Variants in OR2T1 observed in about 807,000 individuals in gnomAD.
OR2T1 encodes the protein olfactory receptor family 2 subfamily T member 1, also known as olfactory receptor 2T1.
For missense variants in OR2T1, 440 were observed against 390.2 expected, an observed-to-expected ratio of 1.13 and a Z score of -1.07; for synonymous variants, 186 against 145.4, an observed-to-expected ratio of 1.28 and a Z score of -2.01.
chr1:248,406,272 GGGT>G lies in OR2T1; in HGVS notation c.126_128del (p.Val43del). On this transcript the variant is annotated inframe_deletion, in exon 2 of 2. Coordinates refer to ENST00000642005, the MANE Select transcript of OR2T1 (RefSeq NM_030904.2). ...TTCTTCACCGCACTGATGGCCAATG[GGGT>G]TATGATCTTCCTGATCCAAACAGAT... is the stretch of plus-strand genomic sequence containing the variant. 2 of 1,614,024 alleles carry G rather than the reference GGGT, an allele frequency of 1.2e-6. No homozygotes were observed. Among genetic ancestry groups the G allele is most frequent in the East Asian group, 2.2e-5 (1 of 44,884 alleles).
intron 1 of OR2T1, among the ~76,000 whole-genome samples, chr1:248,404,249 A>AGAGCAGAGGCCG (rs1416219656): frequency 1.5e-3 from 4 of 2,690 alleles, no homozygotes; most frequent in African/African-American, 2.0e-3. Context: ...AGCAGAGACC[A>AGAGCAGAGGCCG]CTGTTTGACT....
At chr1:248,404,794 A>G (rs28369558) in intron 1 of OR2T1, among the ~76,000 whole-genome samples, 1 of 151,784 alleles carries the variant, frequency 6.6e-6, no homozygotes, top group African/African-American at 2.4e-5. Flanking sequence ...TGCTATTCCC[A>G]TATAAAGCTT....
Position 248,407,304 on chromosome 1 carries a change from A to T in OR2T1, c.*200A>T, listed in dbSNP as rs1572882563. The T allele has an allele frequency of 2.2e-6, 1 of 454,620 alleles. No homozygotes were observed. The highest frequency in any genetic ancestry group is 3.9e-5 in the Admixed American group (1 of 25,468). The allele number at this position is 454,620 out of a possible 1,614,324, so 28.2% of individuals were successfully genotyped here. ...TCAGAAAACTGAATCTCTCTCTGTGATCTTCGCCTTCCCTCTTTTCACCTG... is the reference window on the plus strand; with the variant it reads ...TCAGAAAACTGAATCTCTCTCTGTGTTCTTCGCCTTCCCTCTTTTCACCTG... On this transcript the variant is annotated 3_prime_UTR_variant, in exon 2 of 2. Transcript: ENST00000642005.
Position 248,406,823 on chromosome 1 carries a change from T to G in OR2T1, c.676T>G (p.Cys226Gly). Residue 226 changes from cysteine (C) to glycine (G), a missense_variant, in exon 2 of 2, where the codon TGC (cysteine) becomes GGC (glycine). Coordinates refer to ENST00000642005, the MANE Select transcript of OR2T1 (RefSeq NM_030904.2). ...SYARILTTVQCMSSVEGRKKA... is the reference protein window; with the variant it reads ...SYARILTTVQGMSSVEGRKKA... ...TGCCCGAATCCTGACTACAGTTCAGTGCATGAGCTCAGTGGAGGGCAGGAA... is the reference window on the plus strand; with the variant it reads ...TGCCCGAATCCTGACTACAGTTCAGGGCATGAGCTCAGTGGAGGGCAGGAA... 6.2e-7 allele frequency: 1 copy of G among 1,614,172 alleles called. No homozygotes were observed. The highest frequency in any genetic ancestry group is 8.5e-7 in the Non-Finnish European group (1 of 1,180,018).
At chr1:248,405,941 C>T in intron 1 of OR2T1, 174 bp from the exon 2 acceptor site, 1 of 1,424,618 alleles carries the variant, frequency 7.0e-7, no homozygotes, top group Admixed American at 2.1e-5. Flanking sequence ...TTAATAATGA[C>T]CAATTTTATT....
chr1:248,406,976 T>G lies in OR2T1; in HGVS notation c.829T>G (p.Tyr277Asp), dbSNP rs774239095. The change falls in exon 2 of 2, where the codon TAC becomes GAC. Residue 277 changes from tyrosine (Y) to aspartate (D), a missense_variant. Transcript: ENST00000642005. Reference sequence around the variant, plus strand: ...CCAGGACAAAGTCCTCTCTGTGTTTTACACCATTCTCACACCCATGCTGAA... The same window carrying G: ...CCAGGACAAAGTCCTCTCTGTGTTTGACACCATTCTCACACCCATGCTGAA... Reference protein sequence around the residue: ...PAQDKVLSVFYTILTPMLNPL... With the variant: ...PAQDKVLSVFDTILTPMLNPL... 2 of 1,614,046 alleles carry G rather than the reference T, an allele frequency of 1.2e-6. No individual in the cohort carries two copies. Among genetic ancestry groups the G allele is most frequent in the East Asian group, 4.5e-5 (2 of 44,904 alleles).
At position 248,403,222 on chromosome 1, in the gene OR2T1, C is replaced by T. The variant is rs1661468144; in HGVS notation, c.-57C>T. The stretch of plus-strand genomic sequence containing the variant: ...ACTTCACTGGGAGCACCTGGGTTTA[C>T]AGACCTTTTCTGAAGATCAGGAGGT... On this transcript the variant is annotated 5_prime_UTR_variant, in exon 1 of 2. Transcript: ENST00000642005. The T allele has an allele frequency of 6.6e-6, 1 of 152,146 alleles. No homozygotes were observed. Among genetic ancestry groups the T allele is most frequent in the South Asian group, 2.1e-4 (1 of 4,834 alleles). 9.4% of individuals were successfully genotyped at this position (152,146 alleles called of 1,614,324 possible).
chr1:248,403,482 T>C (rs1303785995), intron 1 of OR2T1, among the ~76,000 whole-genome samples: 1 of 152,122 alleles, frequency 6.6e-6, no homozygotes, highest in Admixed American at 6.6e-5. Context: ...GCTCAGGGTG[T>C]TTAGGAAGAT....
At position 248,407,003 on chromosome 1, in the gene OR2T1, C is replaced by A; in HGVS notation, c.856C>A (p.Pro286Thr). The A allele has an allele frequency of 1.2e-6, 2 of 1,614,068 alleles. No individual in the cohort carries two copies. The highest frequency in any genetic ancestry group is 1.3e-5 in the African/African-American group (1 of 75,002). Residue 286 changes from proline to threonine, a missense_variant, in exon 2 of 2, where the codon CCC becomes ACC. By Grantham distance (38) the Pro-to-Thr change is conservative (BLOSUM62 -1). Coordinates refer to ENST00000642005, the MANE Select transcript of OR2T1 (RefSeq NM_030904.2). ...FYTILTPMLN[P>T]LIYSLRNKDV... ...CACCATTCTCACACCCATGCTGAAC[C>A]CCCTCATCTACAGCCTTAGAAACAA...
rs149309231 is a variant in OR2T1, at chr1:248,407,420, T to G, written c.*316T>G. The stretch of plus-strand genomic sequence containing the variant: ...GTCACAAAGAAATTATCTGACTACC[T>G]TGTCTGACTGTATGTCATAAGACCT... On this transcript the variant is annotated 3_prime_UTR_variant, in exon 2 of 2. Transcript: ENST00000642005. The G allele has an allele frequency of 5.5e-4, 176 of 321,972 alleles. 2 individuals are homozygous for G. In the East Asian group the frequency reaches 9.4e-3, roughly 17 times the overall value. The allele number at this position is 321,972 out of a possible 1,614,324, so 19.9% of individuals were successfully genotyped here. A position where few individuals can be genotyped will look rare whatever the true frequency, so the allele number is the denominator to read the frequency against.
Position 248,406,375 on chromosome 1 carries a change from T to G in OR2T1, c.228T>G (p.Ile76Met), listed in dbSNP as rs1418881283. The G allele has an allele frequency of 1.2e-6, 2 of 1,614,194 alleles. No individual in the cohort carries two copies. The highest frequency in any genetic ancestry group is 2.2e-5 in the South Asian group (2 of 91,084). Residue 76 changes from isoleucine to methionine, a missense_variant, in exon 2 of 2, where the codon ATT becomes ATG. Ile to Met is a conservative substitution (Grantham distance 10). Coordinates refer to ENST00000642005, the MANE Select transcript of OR2T1 (RefSeq NM_030904.2). ...SLIDMMYIST[I>M]VPKMLVNYLL... ...TTGACATGATGTATATTTCCACTAT[T>G]GTGCCTAAGATGCTGGTTAATTACC...
intron 1 of OR2T1, among the ~76,000 whole-genome samples, chr1:248,404,245 G>GGGCGCTACTACAT: frequency 1.3e-5 from 2 of 150,970 alleles, no homozygotes; most frequent in African/African-American, 4.9e-5. Flanking sequence ...AGACAGCAGA[G>GGGCGCTACTACAT]ACCACTGTTT....
In OR2T1 at chr1:248,407,563, G is replaced by A. The variant is rs549254844; in HGVS notation, c.*459G>A. ...GTCCCCACTCACTCTATCAACATTA[G>A]GTCATACTCTTTGTTCAATCATATT... On this transcript the variant is annotated 3_prime_UTR_variant, in exon 2 of 2. Transcript: ENST00000642005. The A allele has an allele frequency of 6.2e-6, 1 of 161,306 alleles. No homozygotes were observed. The highest frequency in any genetic ancestry group is 2.4e-5 in the African/African-American group (1 of 41,770). The allele number at this position is 161,306 out of a possible 1,614,324, so 10.0% of individuals were successfully genotyped here.
At position 248,406,163 on chromosome 1, in the gene OR2T1, A is replaced by G; in HGVS notation, c.16A>G (p.Thr6Ala). 1.9e-6 allele frequency: 3 copies of G among 1,613,982 alleles called. No homozygotes were observed. Among genetic ancestry groups the G allele is most frequent in the Non-Finnish European group, 2.5e-6 (3 of 1,179,866 alleles). ...TGTAGGATCAATGGAAGAGTACAAC[A>G]CATCCTCTACAGACTTCACTTTCAT... MEEYNTSSTDFTFMGL... is the reference protein window; with the variant it reads MEEYNASSTDFTFMGL... The change falls in exon 2 of 2, where the codon ACA becomes GCA. Residue 6 changes from threonine to alanine, a missense_variant. By Grantham distance (58) the Thr-to-Ala change is moderately conservative (BLOSUM62 0). Coordinates refer to ENST00000642005, the MANE Select transcript of OR2T1 (RefSeq NM_030904.2).
At position 248,406,188 on chromosome 1, in the gene OR2T1, TG is replaced by T. The variant is rs761757333; in HGVS notation, c.45del (p.Leu16CysfsTer23). 2.5e-6 allele frequency: 4 copies of T among 1,614,082 alleles called. No homozygotes were observed. The East Asian group carries it at 8.9e-5, about 36-fold the overall frequency. ...YNTSSTDFTF[M>X]GLFNRKETSG... The stretch of plus-strand genomic sequence containing the variant: ...ACATCCTCTACAGACTTCACTTTCA[TG>T]GGGCTGTTCAACAGAAAGGAAACCT... On this transcript the variant is annotated frameshift_variant, in exon 2 of 2. Transcript: ENST00000642005. LOFTEE classifies it low-confidence loss of function (END_TRUNC).
At position 248,407,998 on chromosome 1, in the gene OR2T1, A is replaced by T. The variant is rs1156496554; in HGVS notation, c.*894A>T. 1.3e-5 allele frequency: 2 copies of T among 152,308 alleles called. No homozygotes were observed. Among genetic ancestry groups the T allele is most frequent in the Non-Finnish European group, 2.9e-5 (2 of 68,082 alleles). The allele number at this position is 152,308 out of a possible 1,614,324, so 9.4% of individuals were successfully genotyped here. On this transcript the variant is annotated 3_prime_UTR_variant, in exon 2 of 2. Transcript: ENST00000642005. ...GGCTTTTAATTGGCACTGGAAATGG[A>T]AGGCAGTGTTATGGGACTGAGCCCT...
In OR2T1 at chr1:248,407,057, T is replaced by C. The variant is rs781438654; in HGVS notation, c.910T>C (p.Leu304=). The C allele has an allele frequency of 2.5e-6, 4 of 1,612,752 alleles. No individual in the cohort carries two copies. In the East Asian group the frequency reaches 8.9e-5, roughly 36 times the overall value. ...KDVTGALKRA[L]GRFKGPQRVS... is the part of the protein sequence containing the mutation. The stretch of plus-strand genomic sequence containing the variant: ...TGTGACTGGAGCTCTGAAGAGGGCC[T>C]TGGGGAGGTTCAAGGGTCCTCAAAG... Residue 304 remains leucine, a synonymous_variant, in exon 2 of 2, where the codon TTG becomes CTG. Coordinates refer to ENST00000642005, the MANE Select transcript of OR2T1 (RefSeq NM_030904.2).
chr1:248,407,178 T>C lies in OR2T1; in HGVS notation c.*74T>C. On this transcript the variant is annotated 3_prime_UTR_variant, in exon 2 of 2. Coordinates refer to ENST00000642005, the MANE Select transcript of OR2T1 (RefSeq NM_030904.2). ...CTGTGGCTGTGCTTTCATCAAAAGA[T>C]GAAGCAAAAAGGGAGGGAGTCATAT... 7.0e-7 allele frequency: 1 copy of C among 1,425,142 alleles called. No individual in the cohort carries two copies. Among genetic ancestry groups the C allele is most frequent in the Non-Finnish European group, 9.5e-7 (1 of 1,054,268 alleles). The allele number at this position is 1,425,142 out of a possible 1,614,324, so 88.3% of individuals were successfully genotyped here.
chr1:248,407,086 G>A lies in OR2T1; in HGVS notation c.939G>A (p.Val313=). 6.3e-7 allele frequency: 1 copy of A among 1,592,482 alleles called. No homozygotes were observed. Among genetic ancestry groups the A allele is most frequent in the Non-Finnish European group, 8.5e-7 (1 of 1,170,338 alleles). ...ALGRFKGPQR[V]SGGVF Reference sequence around the variant, plus strand: ...GGAGGTTCAAGGGTCCTCAAAGGGTGTCAGGAGGTGTCTTTTGACAGTCGA... The same window carrying A: ...GGAGGTTCAAGGGTCCTCAAAGGGTATCAGGAGGTGTCTTTTGACAGTCGA... The change falls in exon 2 of 2, where the codon GTG becomes GTA. Residue 313 remains valine (V), a synonymous_variant. Transcript: ENST00000642005.
Sources: allele counts gnomAD v4.1 joint callset (sites outside exome capture counted in the v4.1 genomes callset), GRCh38; gene constraint gnomAD v4.1.1; transcripts MANE v1.5; gene names NCBI Gene and HGNC (gene_info 2026-07-23, HGNC 2026-07-21).